The following LEF1 variants were observed in gnomAD, a reference collection of about 807,000 sequenced individuals.
LEF1 encodes the protein lymphoid enhancer binding factor 1.
LEF1 carries 14 observed loss-of-function variants against 51.2 expected under a neutral mutation model. That is an observed-to-expected ratio of 0.27 (90% CI 0.18 to 0.43). The LOEUF (loss-of-function observed/expected upper bound fraction) is 0.43. LEF1 is among the 20% of genes least tolerant of loss of function. LEF1 has a pLI of 1.00. For missense variants in LEF1, 386 were observed against 512.0 expected (o/e 0.75, Z 2.37); for synonymous variants, 185 against 183.2 (o/e 1.01, Z -0.08).
intron 11 of LEF1, among the ~76,000 whole-genome samples, chr4:108,050,658 T>C (rs116172807): frequency 1.1e-3 from 174 of 152,368 alleles, no homozygotes; most frequent in African/African-American, 4.1e-3. Flanking sequence ...AAGGTTTTCC[T>C]CTCAGTCTGA....
intron 3 of LEF1, among the ~76,000 whole-genome samples, chr4:108,141,679 C>A (rs1269539158): frequency 2.0e-5 from 3 of 152,172 alleles, no homozygotes; most frequent in Non-Finnish European, 4.4e-5. Flanking sequence ...CAGTTGTGCG[C>A]CCTGGGAATA....
rs771952367 is a variant in LEF1 at position 108,070,651 on chromosome 4, G to A, written c.1116+12C>T. On this transcript the variant is annotated intron_variant, in intron 9 of 11. Coordinates refer to ENST00000265165, the MANE Select transcript of LEF1 (RefSeq NM_016269.5). ...GAGAGTGGAGAGCCACTGGTATGGA[G>A]GAGGGGCTTACATAATTGTCTCTTG... 4.7e-5 allele frequency: 73 copies of A among 1,557,490 alleles called. 1 individual carries two copies. The highest frequency in any genetic ancestry group is 6.2e-5 in the Non-Finnish European group (70 of 1,128,628).
intron 9 of LEF1, among the ~76,000 whole-genome samples, chr4:108,070,107 A>G (rs1283752493): frequency 2.0e-5 from 3 of 152,352 alleles, no homozygotes; most frequent in East Asian, 3.9e-4. Context: ...ATTTGTAAGA[A>G]AAACAATAGG....
chr4:108,082,622 G>A (rs1405000027), intron 5 of LEF1, among the ~76,000 whole-genome samples: 1 of 152,186 alleles, frequency 6.6e-6, no homozygotes, highest in East Asian at 1.9e-4. Flanking sequence ...ATTGGAGAGG[G>A]AAGAGTGGAG....
chr4:108,167,486 C>T lies in LEF1; in HGVS notation c.213+69G>A, dbSNP rs963997474. 38 of 1,545,770 alleles carry T rather than the reference C, an allele frequency of 2.5e-5. No individual in the cohort carries two copies. In the Admixed American group the frequency reaches 4.2e-4, roughly 17 times the overall value. Reference sequence around the variant, plus strand: ...GCCGGGCGGCCGGGCGCCTTCGTTCCCTTCCTCCCTCTCTGAGTTTCCCAG... The same window carrying T: ...GCCGGGCGGCCGGGCGCCTTCGTTCTCTTCCTCCCTCTCTGAGTTTCCCAG... On this transcript the variant is annotated intron_variant, in intron 1 of 11. Coordinates refer to ENST00000265165, the MANE Select transcript of LEF1 (RefSeq NM_016269.5). The surrounding 1 kb of genome is among the most constrained non-coding windows in gnomAD (Gnocchi z 5.7).
intron 3 of LEF1, among the ~76,000 whole-genome samples, chr4:108,126,545 G>A (rs1157205605): frequency 6.6e-6 from 1 of 152,062 alleles, no homozygotes; most frequent in Non-Finnish European, 1.5e-5. Context: ...GCTCAGGCCT[G>A]TAATCCCAGC....
chr4:108,153,858 T>C (rs571511086), intron 3 of LEF1, among the ~76,000 whole-genome samples: 288 of 152,232 alleles, frequency 1.9e-3, no homozygotes, highest in Non-Finnish European at 2.8e-3. Context: ...GAAAAAGATA[T>C]ACATAATAAG....
At chr4:108,158,532 G>A (rs1744872600) in intron 3 of LEF1, among the ~76,000 whole-genome samples, 2 of 152,092 alleles carry the variant, frequency 1.3e-5, no homozygotes, top group African/African-American at 4.8e-5. Flanking sequence ...GCTTGCTACA[G>A]ACAGTGCTGG....
intron 3 of LEF1, among the ~76,000 whole-genome samples, chr4:108,117,914 C>A (rs1390429179): frequency 6.6e-6 from 1 of 152,200 alleles, no homozygotes; most frequent in Non-Finnish European, 1.5e-5. Flanking sequence ...TGAAATATAA[C>A]TTAATATTAG....
chr4:108,082,881 C>T (rs1433520146), intron 5 of LEF1, among the ~76,000 whole-genome samples: 1 of 152,218 alleles, frequency 6.6e-6, no homozygotes, highest in Non-Finnish European at 1.5e-5. Context: ...TGGATGCTTA[C>T]TTCATTAACA....
At chr4:108,097,223 G>A (rs1740454106) in intron 3 of LEF1, among the ~76,000 whole-genome samples, 1 of 152,160 alleles carries the variant, frequency 6.6e-6, no homozygotes, top group Non-Finnish European at 1.5e-5. Flanking sequence ...TAGAGAAAAT[G>A]TGGTATATAC....
At chr4:108,081,111 C>T (rs532621321) in intron 6 of LEF1, among the ~76,000 whole-genome samples, 4 of 152,144 alleles carry the variant, frequency 2.6e-5, no homozygotes, top group Non-Finnish European at 5.9e-5. Context: ...TTCTGACAGC[C>T]TCCATCCAGG....
intron 3 of LEF1, among the ~76,000 whole-genome samples, chr4:108,096,749 G>A (rs1207367806): frequency 6.6e-6 from 1 of 152,152 alleles, no homozygotes; most frequent in Non-Finnish European, 1.5e-5. Flanking sequence ...ATAGGAAAAA[G>A]TGAAATAATC....
intron 7 of LEF1, 100 bp from the exon 8 acceptor site, chr4:108,078,482 C>T (rs751218115): frequency 1.3e-5 from 20 of 1,485,924 alleles, no homozygotes; most frequent in Non-Finnish European, 1.8e-5. Context: ...TGGCTACACT[C>T]AGGATGGCGA....
intron 3 of LEF1, among the ~76,000 whole-genome samples, chr4:108,113,790 G>A (rs41500451): frequency 6.6e-6 from 1 of 152,262 alleles, no homozygotes; most frequent in East Asian, 1.9e-4. Context: ...GAAGCACTAT[G>A]TGGCTATTTC....
chr4:108,074,739 GAGAC>G (rs1167040237), intron 8 of LEF1, among the ~76,000 whole-genome samples: 2 of 152,188 alleles, frequency 1.3e-5, no homozygotes, highest in Non-Finnish European at 2.9e-5. Flanking sequence ...GTCTAAATCA[GAGAC>G]AGACAGAGAC....
chr4:108,167,409 C>A lies in LEF1; in HGVS notation c.213+146G>T, dbSNP rs555015478. 28 of 681,124 alleles carry A rather than the reference C, an allele frequency of 4.1e-5. 1 individual carries two copies. Among genetic ancestry groups the A allele is most frequent in the South Asian group, 3.4e-4 (19 of 55,432 alleles). 42.2% of individuals were successfully genotyped at this position (681,124 alleles called of 1,614,324 possible). On this transcript the variant is annotated intron_variant, in intron 1 of 11. Coordinates refer to ENST00000265165, the MANE Select transcript of LEF1 (RefSeq NM_016269.5). The surrounding 1 kb of genome is among the most constrained non-coding windows in gnomAD (Gnocchi z 5.7). The stretch of plus-strand genomic sequence containing the variant: ...ACACACACACACTGCGGACCGGGGG[C>A]CCAGCTACGCACACACCCCAAAACA...
At chr4:108,149,867 A>G (rs1744258945) in intron 3 of LEF1, among the ~76,000 whole-genome samples, 1 of 151,850 alleles carries the variant, frequency 6.6e-6, no homozygotes, top group Non-Finnish European at 1.5e-5. Context: ...TGAAACCATT[A>G]TATCAGAATG....
chr4:108,090,230 G>A (rs944694071), intron 3 of LEF1, among the ~76,000 whole-genome samples: 6 of 152,016 alleles, frequency 3.9e-5, no homozygotes, highest in African/African-American at 1.2e-4. Context: ...TGCCCACTTT[G>A]GCCTCCCAAA....
Sources: allele counts gnomAD v4.1 joint callset (sites outside exome capture counted in the v4.1 genomes callset), GRCh38; gene constraint gnomAD v4.1.1; non-coding constraint Gnocchi (gnomAD v3.1); transcripts MANE v1.5; gene names NCBI Gene and HGNC (gene_info 2026-07-23, HGNC 2026-07-21).